Variants in PARL observed in about 807,000 individuals in gnomAD.
The protein encoded by PARL is presenilin associated rhomboid like.
In PARL, 44 loss-of-function variants were observed where a neutral mutation model predicts 51.6. That is an observed-to-expected ratio of 0.85 (90% CI 0.67 to 1.10). The LOEUF is 1.10. Among genes scored for constraint, PARL ranks in the 50% least tolerant of loss-of-function variants. PARL has a pLI of 0.00. For synonymous variants in PARL, 172 were observed against 164.0 expected, an observed-to-expected ratio of 1.05 and a Z score of -0.37; for missense variants, 441 against 469.5, an observed-to-expected ratio of 0.94 and a Z score of 0.56.
intron 4 of PARL, among the ~76,000 whole-genome samples, chr3:183,852,028 C>T (rs1343027242): frequency 6.6e-6 from 1 of 151,934 alleles, no homozygotes; most frequent in Admixed American, 6.6e-5. Context: ...GGTGTGGTGG[C>T]GCGTGCCTAT....
chr3:183,876,974 G>A (rs1313466066), intron 1 of PARL, among the ~76,000 whole-genome samples: 1 of 152,252 alleles, frequency 6.6e-6, no homozygotes, highest in Non-Finnish European at 1.5e-5. Flanking sequence ...TACCCTGGGA[G>A]GCCGAGGCGG....
At chr3:183,840,437 G>T in intron 7 of PARL, 133 bp downstream of exon 7, 2 of 543,816 alleles carry the variant, frequency 3.7e-6, no homozygotes, top group African/African-American at 1.9e-5. Flanking sequence ...TCTTGGTTTC[G>T]ATGTTAGTTA....
At chr3:183,834,778 C>T (rs980329995) in intron 7 of PARL, among the ~76,000 whole-genome samples, 28 of 151,554 alleles carry the variant, frequency 1.8e-4, no homozygotes, top group Admixed American at 1.7e-3. Flanking sequence ...CAGTGGCTCT[C>T]GCCTATAATC....
At chr3:183,844,600 C>G (rs1218563915) in intron 4 of PARL, 1 of 382,518 alleles carries the variant, frequency 2.6e-6, no homozygotes, top group Non-Finnish European at 4.8e-6. Context: ...TTTAGAAGAG[C>G]TTACTTTTCT....
chr3:183,868,174 T>C, intron 1 of PARL, 114 bp from the exon 2 acceptor site: 1 of 784,646 alleles, frequency 1.3e-6, no homozygotes, highest in Non-Finnish European at 2.2e-6. Flanking sequence ...CACTCTACAG[T>C]CCAAAAACAG....
intron 4 of PARL, among the ~76,000 whole-genome samples, chr3:183,859,234 C>T (rs113642294): frequency 7.2e-5 from 11 of 152,096 alleles, no homozygotes; most frequent in South Asian, 2.1e-4. Context: ...GCAGAGATCA[C>T]GCCACTGCAC....
At position 183,844,347 on chromosome 3, in the gene PARL, A is replaced by G. The variant is rs568807542; in HGVS notation, c.512-21T>C. On this transcript the variant is annotated intron_variant, in intron 4 of 9. Transcript: ENST00000317096. ...AATACCTACAAAATAAATATTTATA[A>G]TTTAGGGAGGTTAAAAATGAAAGCA... is the stretch of plus-strand genomic sequence containing the variant. 7 of 1,418,534 alleles carry G rather than the reference A, an allele frequency of 4.9e-6. No homozygotes were observed. The Admixed American group carries it at 6.7e-5, about 14-fold the overall frequency. 87.9% of individuals were successfully genotyped at this position (1,418,534 alleles called of 1,614,324 possible).
At chr3:183,877,621 C>T (rs532800994) in intron 1 of PARL, among the ~76,000 whole-genome samples, 3 of 152,186 alleles carry the variant, frequency 2.0e-5, no homozygotes, top group African/African-American at 4.8e-5. Flanking sequence ...CTTCAGTAAC[C>T]GCCACTCTGA....
chr3:183,883,567 C>T (rs1486284004), intron 1 of PARL: 1 of 983,188 alleles, frequency 1.0e-6, no homozygotes, highest in African/African-American at 1.7e-5. Context: ...CCACCACGCC[C>T]GGCCAGTATT....
intron 4 of PARL, among the ~76,000 whole-genome samples, chr3:183,845,359 G>A (rs1166566994): frequency 1.3e-5 from 2 of 152,066 alleles, no homozygotes; most frequent in Non-Finnish European, 1.5e-5. Context: ...GGTGGGAAAG[G>A]AAGCTACATT....
rs1343947424 is a variant in PARL, at chr3:183,833,737, A to T, written c.917T>A (p.Phe306Tyr). 6.2e-7 allele frequency: 1 copy of T among 1,607,314 alleles called. No individual in the cohort carries two copies. Among genetic ancestry groups the T allele is most frequent in the African/African-American group, 1.3e-5 (1 of 74,808 alleles). ...LAIIFLPMFT[F>Y]TAGNALKAII... ...AAAAATACTTACATTCCCTGCTGTG[A>T]ACGTGAACATCGGAAGGAAAATAAT... The change falls in exon 8 of 10, where the codon TTC becomes TAC. Residue 306 changes from phenylalanine (F) to tyrosine (Y), a missense_variant. By Grantham distance (22) the Phe-to-Tyr change is conservative. Transcript: ENST00000317096.
chr3:183,841,660 G>A (rs2108609092), intron 6 of PARL, among the ~76,000 whole-genome samples: 1 of 152,284 alleles, frequency 6.6e-6, no homozygotes, highest in Middle Eastern at 3.4e-3. Context: ...TACAAACAGA[G>A]AGGTAAGTAA....
chr3:183,857,014 T>C (rs1176196578), intron 4 of PARL, among the ~76,000 whole-genome samples: 1 of 152,216 alleles, frequency 6.6e-6, no homozygotes, highest in East Asian at 1.9e-4. Flanking sequence ...AAATATCTAT[T>C]AATAAAAGAT....
intron 4 of PARL, among the ~76,000 whole-genome samples, chr3:183,851,759 A>T (rs921222419): frequency 6.6e-6 from 1 of 152,228 alleles, no homozygotes; most frequent in African/African-American, 2.4e-5. Context: ...CCAGAGAAGA[A>T]ACACAAATAC....
downstream of PARL, among the ~76,000 whole-genome samples, chr3:183,828,216 G>T (rs956087224): frequency 7.9e-5 from 12 of 152,218 alleles, no homozygotes; most frequent in Admixed American, 7.8e-4. Flanking sequence ...CACAAAGCAG[G>T]GACACAGAGA....
intron 7 of PARL, among the ~76,000 whole-genome samples, chr3:183,835,161 TA>T (rs34212336): frequency 5.8e-4 from 83 of 143,798 alleles, no homozygotes; most frequent in Non-Finnish European, 6.2e-4. Context: ...ATGAGATGTT[TA>T]AAAAAAAAAA....
intron 4 of PARL, chr3:183,846,716 C>T: frequency 5.2e-6 from 3 of 572,442 alleles, no homozygotes; most frequent in Non-Finnish European, 6.6e-6. Flanking sequence ...CCATTAGTAA[C>T]AGACACATCC....
intron 4 of PARL, among the ~76,000 whole-genome samples, chr3:183,855,469 C>CA (rs994104920): frequency 5.3e-5 from 8 of 152,078 alleles, no homozygotes; most frequent in African/African-American, 1.7e-4. Context: ...CAGTGGTCTC[C>CA]AACCTTTTTG....
intron 1 of PARL, chr3:183,883,733 T>G: frequency 1.0e-6 from 1 of 979,494 alleles, no homozygotes; most frequent in Non-Finnish European, 1.2e-6. Flanking sequence ...CACAAGTCCC[T>G]GATAAAATTC....
Sources: gnomAD v4.1 joint callset for allele counts (sites outside exome capture counted in the v4.1 genomes callset) on GRCh38, gnomAD v4.1.1 for gene constraint, MANE v1.5 for transcripts, NCBI Gene and HGNC (gene_info 2026-07-23, HGNC 2026-07-21) for gene names.